CHST9: variants seen among roughly 807,000 people sequenced by gnomAD.
The protein encoded by CHST9 is carbohydrate sulfotransferase 9, also known as GalNAc-4-sulfotransferase 2.
Under a neutral mutation model 44.4 loss-of-function variants are expected in CHST9, and 41 were observed. The observed-to-expected ratio is 0.92, with a 90% CI of 0.72 to 1.20. The LOEUF is 1.20. CHST9 is among the 50% of genes most tolerant of loss of function. CHST9 has a pLI of 0.00. For synonymous variants in CHST9, 171 were observed against 178.4 expected (o/e 0.96, Z 0.33); for missense variants, 504 against 516.5 (o/e 0.98, Z 0.23).
intron 5 of CHST9, among the ~76,000 whole-genome samples, chr18:26,918,088 G>A (rs2055571835): frequency 1.3e-5 from 2 of 152,142 alleles, no homozygotes; most frequent in African/African-American, 4.8e-5. Flanking sequence ...TATCTTTTCA[G>A]TAGGATGAAT....
chr18:27,168,379 CTA>C (rs1209945311), intron 1 of CHST9, among the ~76,000 whole-genome samples: 1 of 152,110 alleles, frequency 6.6e-6, no homozygotes, highest in African/African-American at 2.4e-5. Context: ...CAGCCTATAC[CTA>C]TGTTTTATGA....
intron 5 of CHST9, among the ~76,000 whole-genome samples, chr18:26,928,646 G>T (rs1411030839): frequency 3.3e-5 from 5 of 152,190 alleles, no homozygotes; most frequent in African/African-American, 1.2e-4. Flanking sequence ...GTGGATTATT[G>T]AGCAAGTTAG....
At chr18:26,993,804 T>C (rs998177075) in intron 4 of CHST9, among the ~76,000 whole-genome samples, 1 of 152,218 alleles carries the variant, frequency 6.6e-6, no homozygotes, top group South Asian at 2.1e-4. Context: ...GATCATAAAA[T>C]AACAAGTTGT....
chr18:26,929,040 CCAAA>C (rs1465497124), intron 5 of CHST9, among the ~76,000 whole-genome samples: 1 of 152,122 alleles, frequency 6.6e-6, no homozygotes, highest in Non-Finnish European at 1.5e-5. Flanking sequence ...ATCCAGGACC[CCAAA>C]CACTCTGTCT....
At chr18:26,968,900 C>T (rs2056501014) in intron 4 of CHST9, among the ~76,000 whole-genome samples, 1 of 152,098 alleles carries the variant, frequency 6.6e-6, no homozygotes, top group Non-Finnish European at 1.5e-5. Flanking sequence ...TATCTTTCTT[C>T]TACTGATTAC....
At chr18:26,971,112 T>C (rs927207183) in intron 4 of CHST9, among the ~76,000 whole-genome samples, 12 of 152,206 alleles carry the variant, frequency 7.9e-5, no homozygotes, top group African/African-American at 2.9e-4. Flanking sequence ...CAGATGATTC[T>C]GAGCACATCT....
chr18:27,156,291 C>T (rs934058602), intron 1 of CHST9, among the ~76,000 whole-genome samples: 55 of 152,084 alleles, frequency 3.6e-4, no homozygotes, highest in Admixed American at 2.0e-3. Flanking sequence ...TGTAGTATCC[C>T]TCCCATTAGT....
chr18:26,998,176 C>T (rs1442656450), intron 4 of CHST9, among the ~76,000 whole-genome samples: 1 of 152,142 alleles, frequency 6.6e-6, no homozygotes, highest in Admixed American at 6.6e-5. Flanking sequence ...TCTGACTTAG[C>T]TCTCTCCGTT....
chr18:27,113,519 C>T (rs749733834), intron 2 of CHST9, among the ~76,000 whole-genome samples: 90 of 152,152 alleles, frequency 5.9e-4, no homozygotes, highest in Non-Finnish European at 3.7e-4. Context: ...GAAATCCTAA[C>T]CCCAAGGCCT....
At chr18:27,142,248 CT>C (rs2058574032) in intron 2 of CHST9, among the ~76,000 whole-genome samples, 1 of 152,132 alleles carries the variant, frequency 6.6e-6, no homozygotes, top group South Asian at 2.1e-4. Flanking sequence ...TTGCCAACCC[CT>C]CCTTTATAAT....
At chr18:26,944,532 G>GA (rs1456171133) in intron 4 of CHST9, among the ~76,000 whole-genome samples, 166 bp from the exon 5 acceptor site, 1 of 151,932 alleles carries the variant, frequency 6.6e-6, no homozygotes, top group Non-Finnish European at 1.5e-5. Flanking sequence ...AATAACTGGG[G>GA]AAAAAAAGCC....
chr18:27,088,378 AATTATTAAC>A (rs965079776), intron 2 of CHST9, among the ~76,000 whole-genome samples: 4 of 151,026 alleles, frequency 2.6e-5, no homozygotes, highest in African/African-American at 9.7e-5. Context: ...CTGCATTTCC[AATTATTAAC>A]ACTTTTTTTT....
At chr18:27,057,391 A>G (rs1242892667) in intron 2 of CHST9, among the ~76,000 whole-genome samples, 1 of 152,218 alleles carries the variant, frequency 6.6e-6, no homozygotes, top group African/African-American at 2.4e-5. Context: ...GGTCAATGGT[A>G]TAAAAGAATG....
intron 1 of CHST9, among the ~76,000 whole-genome samples, chr18:27,178,988 C>T (rs549177963): frequency 6.7e-4 from 102 of 151,722 alleles, no homozygotes; most frequent in African/African-American, 2.4e-3. Context: ...CCTGTTTTTT[C>T]AAAGCCTAAA....
intron 2 of CHST9, among the ~76,000 whole-genome samples, chr18:27,079,680 A>C (rs2057941779): frequency 1.3e-5 from 2 of 152,226 alleles, no homozygotes; most frequent in Non-Finnish European, 2.9e-5. Flanking sequence ...GTGGCTTAAA[A>C]TAGCGCAGAT....
intron 2 of CHST9, among the ~76,000 whole-genome samples, chr18:27,137,162 A>G (rs960904949): frequency 2.0e-5 from 3 of 151,838 alleles, no homozygotes; most frequent in Non-Finnish European, 2.9e-5. Flanking sequence ...AATTTTTCTG[A>G]AGAAAATGAA....
chr18:27,084,004 T>A (rs2057984822), intron 2 of CHST9, among the ~76,000 whole-genome samples: 1 of 152,130 alleles, frequency 6.6e-6, no homozygotes, highest in Non-Finnish European at 1.5e-5. Flanking sequence ...TTGATTGTGG[T>A]GGATTAGCTT....
intron 2 of CHST9, among the ~76,000 whole-genome samples, chr18:27,101,487 C>CG (rs536466423): frequency 3.5e-5 from 1 of 28,932 alleles, no homozygotes; most frequent in African/African-American, 1.2e-4. Context: ...CAGCTACTGG[C>CG]GGGGGTGAGG....
chr18:27,113,826 A>G (rs1006384664), intron 2 of CHST9, among the ~76,000 whole-genome samples: 1 of 152,240 alleles, frequency 6.6e-6, no homozygotes, highest in African/African-American at 2.4e-5. Flanking sequence ...TGCTGGTCAC[A>G]TAAACCAACT....
Sources: gnomAD v4.1 joint callset for allele counts (sites outside exome capture counted in the v4.1 genomes callset) on GRCh38, gnomAD v4.1.1 for gene constraint, MANE v1.5 for transcripts, NCBI Gene and HGNC (gene_info 2026-07-23, HGNC 2026-07-21) for gene names.